The following GPC6 variants were observed in gnomAD, a reference collection of about 807,000 sequenced individuals.
GPC6 encodes glypican 6.
GPC6 carries 14 observed loss-of-function variants against 55.2 expected under a neutral mutation model. The ratio of observed to expected loss-of-function variants is 0.25; its 90% CI spans 0.17 to 0.40. GPC6 has a LOEUF of 0.40. Ranked by LOEUF, GPC6 falls within the 10% of genes least tolerant of loss-of-function variation. GPC6 has a pLI of 1.00. For synonymous variants in GPC6, 278 were observed against 259.6 expected, an observed-to-expected ratio of 1.07 and a Z score of -0.68; for missense variants, 641 against 708.5, an observed-to-expected ratio of 0.90 and a Z score of 1.08.
intron 4 of GPC6, among the ~76,000 whole-genome samples, chr13:94,062,556 C>T (rs1884368721): frequency 6.6e-6 from 1 of 152,086 alleles, no homozygotes; most frequent in South Asian, 2.1e-4. Context: ...TGGCCTTACC[C>T]TCTACATTTC....
intron 2 of GPC6, among the ~76,000 whole-genome samples, chr13:93,630,531 A>T (rs1879383655): frequency 6.6e-6 from 1 of 152,288 alleles, no homozygotes; most frequent in Non-Finnish European, 1.5e-5. Context: ...TGTGAAAATT[A>T]GTTTTTCTTC....
chr13:94,189,348 G>C (rs1028514861), intron 4 of GPC6, among the ~76,000 whole-genome samples: 1 of 152,138 alleles, frequency 6.6e-6, no homozygotes, highest in Non-Finnish European at 1.5e-5. Context: ...GCTGAGAAAC[G>C]AGGACTGTGT....
At chr13:93,608,222 T>A (rs1469184033) in intron 2 of GPC6, among the ~76,000 whole-genome samples, 1 of 152,146 alleles carries the variant, frequency 6.6e-6, no homozygotes, top group Admixed American at 6.5e-5. Flanking sequence ...CTTTTTTTTT[T>A]TTACAGAACA....
chr13:93,691,932 T>C (rs1441997959), intron 2 of GPC6, among the ~76,000 whole-genome samples: 1 of 152,068 alleles, frequency 6.6e-6, no homozygotes, highest in Non-Finnish European at 1.5e-5. Flanking sequence ...GAACAACTAA[T>C]ATATATACTT....
At chr13:93,795,292 A>C (rs1156791062) in intron 2 of GPC6, among the ~76,000 whole-genome samples, 1 of 152,238 alleles carries the variant, frequency 6.6e-6, no homozygotes, top group Non-Finnish European at 1.5e-5. Flanking sequence ...TATTATCTTT[A>C]AAGCAAAATT....
chr13:93,339,373 C>T (rs1713020867), intron 1 of GPC6, among the ~76,000 whole-genome samples: 2 of 131,886 alleles, frequency 1.5e-5, no homozygotes, highest in Non-Finnish European at 3.2e-5. Context: ...ACACCATCAT[C>T]TATTAAAAAA....
rs71126419 is a variant in GPC6, at chr13:93,832,122, AATATATATAT to A, written c.711+1591_711+1600del. Among the ~76,000 whole-genome samples, 16 of 12,052 alleles carry A rather than the reference AATATATATAT, an allele frequency of 1.3e-3. 1 individual carries two copies. The South Asian group carries it at 0.027, about 21-fold the overall frequency. 7.9% of individuals were successfully genotyped at this position (12,052 alleles called of 152,430 possible). ...AAAAAAAAAAAAAAAAAAAAAAAAA[AATATATATAT>A]ATATATATATATAATGTCCTTACAT... On this transcript the variant is annotated intron_variant, in intron 3 of 8. Coordinates refer to ENST00000377047, the MANE Select transcript of GPC6 (RefSeq NM_005708.5).
At chr13:93,357,049 C>T (rs1374960745) in intron 1 of GPC6, among the ~76,000 whole-genome samples, 1 of 152,174 alleles carries the variant, frequency 6.6e-6, no homozygotes, top group African/African-American at 2.4e-5. Context: ...TAAGTTTCCT[C>T]CTGCTATTTG....
intron 1 of GPC6, among the ~76,000 whole-genome samples, chr13:93,416,192 T>A (rs918678206): frequency 4.6e-5 from 7 of 152,118 alleles, no homozygotes; most frequent in Non-Finnish European, 1.0e-4. Flanking sequence ...CTTGCCTCTG[T>A]GGACAAAAGA....
chr13:93,533,270 G>A (rs549934375), intron 1 of GPC6, among the ~76,000 whole-genome samples: 2 of 152,306 alleles, frequency 1.3e-5, no homozygotes, highest in African/African-American at 4.8e-5. Context: ...ACTAAGAACA[G>A]TCCAGGTCTA....
chr13:93,727,904 G>C (rs1472161042), intron 2 of GPC6, among the ~76,000 whole-genome samples: 1 of 152,016 alleles, frequency 6.6e-6, no homozygotes, highest in Non-Finnish European at 1.5e-5. Context: ...CTCCTTCCTG[G>C]CTGCTTCACA....
At chr13:93,519,241 G>T (rs1045613650) in intron 1 of GPC6, among the ~76,000 whole-genome samples, 1 of 151,938 alleles carries the variant, frequency 6.6e-6, no homozygotes, top group African/African-American at 2.4e-5. Context: ...TTATAGAATA[G>T]GTTTTAGAAT....
At chr13:93,372,456 T>C (rs966485899) in intron 1 of GPC6, among the ~76,000 whole-genome samples, 4 of 152,190 alleles carry the variant, frequency 2.6e-5, no homozygotes, top group African/African-American at 9.6e-5. Flanking sequence ...TATTGATACA[T>C]AGGTGTCAGG....
intron 2 of GPC6, among the ~76,000 whole-genome samples, chr13:93,774,957 G>A (rs1885419823): frequency 6.6e-6 from 1 of 152,118 alleles, no homozygotes; most frequent in South Asian, 2.1e-4. Context: ...CATCTCAGTG[G>A]AGAAACAAAG....
At chr13:93,723,639 T>C (rs1049481136) in intron 2 of GPC6, among the ~76,000 whole-genome samples, 4 of 151,952 alleles carry the variant, frequency 2.6e-5, no homozygotes, top group African/African-American at 7.2e-5. Context: ...TATCCAGCCA[T>C]GGATAACTGA....
At chr13:94,330,995 A>G (rs907706232) in intron 6 of GPC6, among the ~76,000 whole-genome samples, 2 of 152,174 alleles carry the variant, frequency 1.3e-5, no homozygotes, top group African/African-American at 4.8e-5. Context: ...CCCTCCAAAT[A>G]TTTAATAAAA....
intron 4 of GPC6, among the ~76,000 whole-genome samples, chr13:94,046,388 C>G (rs532982073): frequency 6.6e-6 from 1 of 152,122 alleles, no homozygotes; most frequent in Non-Finnish European, 1.5e-5. Context: ...TGAGGTCTTA[C>G]AAGAAGACCT....
intron 3 of GPC6, among the ~76,000 whole-genome samples, chr13:93,886,758 T>C: frequency 6.7e-6 from 1 of 148,394 alleles, no homozygotes; most frequent in South Asian, 2.2e-4. Flanking sequence ...CATTTTTTTT[T>C]TGTTTTTTTT....
At chr13:93,497,932 A>G (rs1880368579) in intron 1 of GPC6, among the ~76,000 whole-genome samples, 1 of 152,228 alleles carries the variant, frequency 6.6e-6, no homozygotes. Flanking sequence ...AAATGCAGTT[A>G]AACCTATTGT....
Sources: allele counts gnomAD v4.1 joint callset (sites outside exome capture counted in the v4.1 genomes callset), GRCh38; gene constraint gnomAD v4.1.1; transcripts MANE v1.5; gene names NCBI Gene and HGNC (gene_info 2026-07-23, HGNC 2026-07-21).